MROH1: variants seen among roughly 807,000 people sequenced by gnomAD.
MROH1 encodes maestro heat like repeat family member 1.
In MROH1, 117 loss-of-function variants were observed where a neutral mutation model predicts 116.5. That is an observed-to-expected ratio of 1.00 (90% CI 0.86 to 1.17). The LOEUF (loss-of-function observed/expected upper bound fraction) is 1.17. Ranked by LOEUF, MROH1 falls within the 50% of genes most tolerant of loss-of-function variation. The probability of loss-of-function intolerance (pLI) is 0.00; values close to 1 mark genes in which losing one functional copy is unlikely to be tolerated. For missense variants in MROH1, 1,873 were observed against 1,338.5 expected, an observed-to-expected ratio of 1.40 and a Z score of -6.23; for synonymous variants, 921 against 583.9, an observed-to-expected ratio of 1.58 and a Z score of -8.32.
At chr8:144,176,671 A>G (rs1824030360) in intron 4 of MROH1, among the ~76,000 whole-genome samples, 1 of 151,714 alleles carries the variant, frequency 6.6e-6, no homozygotes, top group Admixed American at 6.6e-5. Flanking sequence ...TCTACTAAAA[A>G]TACAAAAATT....
intron 12 of MROH1, among the ~76,000 whole-genome samples, chr8:144,202,780 G>A: frequency 7.8e-6 from 1 of 127,572 alleles, no homozygotes. Flanking sequence ...CCCGCTGTCT[G>A]TGGAGGGGCT....
chr8:144,234,061 G>A (rs1350546649), intron 14 of MROH1, among the ~76,000 whole-genome samples: 1 of 152,174 alleles, frequency 6.6e-6, no homozygotes, highest in Non-Finnish European at 1.5e-5. Context: ...CCAGGCTGGA[G>A]TGCAGTGGCG....
Position 144,190,849 on chromosome 8 carries a change from A to T in MROH1, c.628A>T (p.Thr210Ser), listed in dbSNP as rs749310842. ...LANLDRAPDP[T>S]VRKDAFATDI... ...CAACCTGGACCGAGCCCCAGACCCCACGGTCAGGAAGGACGCCTTTGCCAC... is the reference window on the plus strand; with the variant it reads ...CAACCTGGACCGAGCCCCAGACCCCTCGGTCAGGAAGGACGCCTTTGCCAC... The change falls in exon 8 of 44, where the codon ACG becomes TCG. Residue 210 changes from threonine (T) to serine (S), a missense_variant. Transcript: ENST00000326134. The T allele has an allele frequency of 1.2e-6, 2 of 1,613,706 alleles. No homozygotes were observed. The highest frequency in any genetic ancestry group is 2.2e-5 in the South Asian group (2 of 91,070).
rs1844688483 is a variant in MROH1, at chr8:144,259,955, G to A, written c.4089G>A (p.Ser1363=). The change falls in exon 38 of 44, where the codon TCG becomes TCA. Residue 1363 remains serine (S), a synonymous_variant. Coordinates refer to ENST00000326134, the MANE Select transcript of MROH1 (RefSeq NM_032450.3). ...NVANDLMLLD[S]LLESLAARQK... is the part of the protein sequence containing the mutation. ...CCAACGACCTCATGCTCTTGGACTC[G>A]CTGCTGGAGAGCCTGGCGGCTCGCC... The A allele has an allele frequency of 1.3e-5, 10 of 742,714 alleles. No individual in the cohort carries two copies. The highest frequency in any genetic ancestry group is 2.9e-5 in the South Asian group (2 of 69,838). 46.0% of individuals were successfully genotyped at this position (742,714 alleles called of 1,614,324 possible).
intron 14 of MROH1, among the ~76,000 whole-genome samples, chr8:144,226,181 C>T (rs1336773798): frequency 6.6e-6 from 1 of 152,060 alleles, no homozygotes; most frequent in African/African-American, 2.4e-5. Context: ...TCCCAAAGTG[C>T]TGGGATTACA....
intron 4 of MROH1, among the ~76,000 whole-genome samples, chr8:144,168,812 G>A (rs543894734): frequency 6.6e-6 from 1 of 152,326 alleles, no homozygotes; most frequent in Admixed American, 6.5e-5. Flanking sequence ...CAACCCAAGG[G>A]GCCAGAAACA....
chr8:144,187,066 C>G (rs190345804), intron 7 of MROH1, among the ~76,000 whole-genome samples: 73 of 151,160 alleles, frequency 4.8e-4, no homozygotes, highest in African/African-American at 1.7e-3. Context: ...CCACTGCATT[C>G]CAGCCTCAGT....
chr8:144,200,065 A>G (rs1830765687), intron 11 of MROH1, among the ~76,000 whole-genome samples: 1 of 152,130 alleles, frequency 6.6e-6, no homozygotes, highest in Non-Finnish European at 1.5e-5. Flanking sequence ...TGACAGCTCG[A>G]GTCCCCTTGA....
chr8:144,191,094 G>A (rs1025597947), intron 8 of MROH1, among the ~76,000 whole-genome samples, 159 bp downstream of exon 8: 6 of 152,078 alleles, frequency 3.9e-5, no homozygotes, highest in Admixed American at 3.9e-4. Context: ...TTTTGAGACA[G>A]AGTCTCACTC....
At chr8:144,241,139 C>T in intron 21 of MROH1, 28 bp downstream of exon 21, 1 of 731,704 alleles carries the variant, frequency 1.4e-6, no homozygotes, top group Non-Finnish European at 2.5e-6. Flanking sequence ...GCAGAAGCCC[C>T]AGACACCCCA....
intron 41 of MROH1, 22 bp downstream of exon 41, chr8:144,261,063 G>T: frequency 1.3e-6 from 1 of 772,790 alleles, no homozygotes. Flanking sequence ...GGCCAGGCGG[G>T]GCGTGGTGGG....
At chr8:144,226,700 G>T (rs917042428) in intron 14 of MROH1, among the ~76,000 whole-genome samples, 2 of 152,104 alleles carry the variant, frequency 1.3e-5, no homozygotes, top group Admixed American at 1.3e-4. Flanking sequence ...TGATCCACCC[G>T]CCTCGGCCTC....
Position 144,239,021 on chromosome 8 carries a change from C to T in MROH1, c.1447-14C>T. The T allele has an allele frequency of 1.3e-6, 1 of 777,348 alleles. No homozygotes were observed. Among genetic ancestry groups the T allele is most frequent in the Non-Finnish European group, 2.4e-6 (1 of 417,756 alleles). The allele number at this position is 777,348 out of a possible 1,614,324, so 48.2% of individuals were successfully genotyped here. On this transcript the variant is annotated splice_polypyrimidine_tract_variant and intron_variant, in intron 15 of 43. Coordinates refer to ENST00000326134, the MANE Select transcript of MROH1 (RefSeq NM_032450.3). ...CCTCTGGGCGGATGCAGACCAGGCC[C>T]TCTGCTCCCCTAGGTCCTCTGGCCA...
intron 10 of MROH1, chr8:144,192,622 G>T: frequency 1.4e-6 from 1 of 692,646 alleles, no homozygotes; most frequent in Non-Finnish European, 2.6e-6. Context: ...CAGCCCCCAG[G>T]ATGGAGGTGG....
intron 31 of MROH1, 26 bp downstream of exon 31, chr8:144,247,705 G>C (rs1050089859): frequency 4.1e-6 from 3 of 738,894 alleles, no homozygotes; most frequent in Non-Finnish European, 7.4e-6. Flanking sequence ...TCTGCGGCCG[G>C]AAGGCAGGCT....
At chr8:144,226,913 T>C (rs983817920) in intron 14 of MROH1, among the ~76,000 whole-genome samples, 1 of 152,260 alleles carries the variant, frequency 6.6e-6, no homozygotes, top group Non-Finnish European at 1.5e-5. Context: ...AGTACATTTC[T>C]ACACTTATTT....
chr8:144,184,099 C>T (rs1237795227), intron 7 of MROH1, among the ~76,000 whole-genome samples: 2 of 152,178 alleles, frequency 1.3e-5, no homozygotes, highest in Non-Finnish European at 2.9e-5. Context: ...ATCCTCTCTC[C>T]TGAGAATTTG....
chr8:144,239,395 G>A (rs933676993), intron 17 of MROH1, 32 bp downstream of exon 17: 40 of 780,262 alleles, frequency 5.1e-5, no homozygotes, highest in South Asian at 6.7e-5. Flanking sequence ...CGTGCCCAGC[G>A]CCCCACTCTG....
At chr8:144,209,752 TA>T (rs551616401) in intron 12 of MROH1, among the ~76,000 whole-genome samples, 1 of 150,530 alleles carries the variant, frequency 6.6e-6, no homozygotes, top group East Asian at 2.0e-4. Context: ...CTACTAAAAA[TA>T]AAAAAAGCCA....
Sources: gnomAD v4.1 joint callset for allele counts (sites outside exome capture counted in the v4.1 genomes callset) on GRCh38, gnomAD v4.1.1 for gene constraint, MANE v1.5 for transcripts, NCBI Gene and HGNC (gene_info 2026-07-23, HGNC 2026-07-21) for gene names.